Variants in MCTP1 observed in about 807,000 individuals in gnomAD.
MCTP1 encodes multiple C2 and transmembrane domain containing 1.
MCTP1 carries 69 observed loss-of-function variants against 120.6 expected under a neutral mutation model. The observed-to-expected ratio is 0.57, with a 90% CI of 0.47 to 0.70. The LOEUF is 0.70. MCTP1 is among the 30% of genes least tolerant of loss of function. MCTP1 has a pLI of 0.00. For synonymous variants in MCTP1, 529 were observed against 493.1 expected (o/e 1.07, Z -0.96); for missense variants, 1,203 against 1,248.8 (o/e 0.96, Z 0.55).
chr5:95,104,549 A>T (rs1756959229), intron 1 of MCTP1, among the ~76,000 whole-genome samples: 1 of 152,224 alleles, frequency 6.6e-6, no homozygotes, highest in Non-Finnish European at 1.5e-5. Flanking sequence ...CCATAGGCAT[A>T]AGCAATGACG....
intron 17 of MCTP1, chr5:94,826,266 G>T: frequency 2.3e-6 from 1 of 444,026 alleles, no homozygotes. Context: ...TTTAGATTTG[G>T]GAACCCCCAT....
In MCTP1 at chr5:95,230,780, A is replaced by G. The variant is rs552788236; in HGVS notation, c.720+53076T>C. Among the ~76,000 whole-genome samples the G allele has an allele frequency of 7.2e-5, 11 of 152,366 alleles. No individual in the cohort carries two copies. The South Asian group carries it at 1.7e-3, about 23-fold the overall frequency. On this transcript the variant is annotated intron_variant, in intron 1 of 22. Transcript: ENST00000515393. ...CATTTTCTGAAAAACTTAAACTTCA[A>G]TGAAGTGAATTTGACGTGAATTGAC...
chr5:94,734,896 A>G (rs1763876960), intron 19 of MCTP1, among the ~76,000 whole-genome samples: 1 of 152,220 alleles, frequency 6.6e-6, no homozygotes, highest in South Asian at 2.1e-4. Flanking sequence ...CAGCTTCATC[A>G]TGACCTATGG....
chr5:95,037,172 T>C (rs1023251940), intron 1 of MCTP1, among the ~76,000 whole-genome samples: 2 of 152,216 alleles, frequency 1.3e-5, no homozygotes, highest in Non-Finnish European at 2.9e-5. Context: ...TCTTTTGGAA[T>C]GATCATACAC....
chr5:94,882,950 A>G (rs1185255908), intron 12 of MCTP1, among the ~76,000 whole-genome samples: 1 of 152,102 alleles, frequency 6.6e-6, no homozygotes, highest in African/African-American at 2.4e-5. Flanking sequence ...CTAAATTATC[A>G]TTTTCATTCC....
intron 4 of MCTP1, among the ~76,000 whole-genome samples, chr5:94,940,553 C>A (rs1817353734): frequency 8.3e-6 from 1 of 120,058 alleles, no homozygotes; most frequent in Non-Finnish European, 1.7e-5. Flanking sequence ...CACATACACA[C>A]ACACACGCAA....
chr5:94,742,775 A>G (rs1008106466), intron 19 of MCTP1, among the ~76,000 whole-genome samples: 12 of 152,194 alleles, frequency 7.9e-5, no homozygotes, highest in Non-Finnish European at 1.5e-4. Context: ...AGTAAAGTCT[A>G]TGTTCCTTCA....
chr5:94,857,318 A>G (rs1794907401), intron 17 of MCTP1, among the ~76,000 whole-genome samples: 1 of 151,696 alleles, frequency 6.6e-6, no homozygotes, highest in Non-Finnish European at 1.5e-5. Flanking sequence ...ATTTCCTGTC[A>G]CTGGCTCTGG....
At chr5:94,892,054 G>A (rs925194997) in intron 11 of MCTP1, among the ~76,000 whole-genome samples, 3 of 152,124 alleles carry the variant, frequency 2.0e-5, no homozygotes, top group African/African-American at 7.2e-5. Flanking sequence ...GCAGCTGTCA[G>A]GGAGAGCATC....
At chr5:95,062,277 A>G (rs1749433162) in intron 1 of MCTP1, among the ~76,000 whole-genome samples, 1 of 152,182 alleles carries the variant, frequency 6.6e-6, no homozygotes, top group Non-Finnish European at 1.5e-5. Context: ...CATTCTTTAT[A>G]TTTTCTATTG....
At chr5:95,191,009 T>C (rs1215736486) in intron 1 of MCTP1, among the ~76,000 whole-genome samples, 3 of 152,026 alleles carry the variant, frequency 2.0e-5, no homozygotes. Context: ...TACAATTAAA[T>C]AATTTTAAGC....
At chr5:94,725,895 C>G (rs550592343) in intron 19 of MCTP1, among the ~76,000 whole-genome samples, 2 of 152,082 alleles carry the variant, frequency 1.3e-5, no homozygotes, top group East Asian at 3.9e-4. Flanking sequence ...AAATATTAGT[C>G]GTTAATATTA....
At chr5:95,161,087 C>G (rs1291841751) in intron 1 of MCTP1, among the ~76,000 whole-genome samples, 3 of 152,178 alleles carry the variant, frequency 2.0e-5, no homozygotes, top group African/African-American at 7.2e-5. Flanking sequence ...AATCCTACTT[C>G]TGGGTATATA....
intron 1 of MCTP1, among the ~76,000 whole-genome samples, chr5:95,055,842 G>A (rs1476431433): frequency 6.6e-6 from 1 of 152,062 alleles, no homozygotes; most frequent in Non-Finnish European, 1.5e-5. Flanking sequence ...TAGAAGCAAT[G>A]TGTGAAAAAA....
intron 10 of MCTP1, among the ~76,000 whole-genome samples, chr5:94,907,142 C>A (rs566054258): frequency 6.6e-6 from 1 of 152,256 alleles, no homozygotes; most frequent in South Asian, 2.1e-4. Context: ...TAACATGTTG[C>A]TTTTCAGCGG....
intron 19 of MCTP1, among the ~76,000 whole-genome samples, chr5:94,745,607 A>T (rs892811409): frequency 2.6e-5 from 4 of 152,222 alleles, no homozygotes; most frequent in Non-Finnish European, 5.9e-5. Context: ...ATTCTTGCAG[A>T]GAAAAATTAA....
chr5:95,231,337 G>GAT lies in MCTP1; in HGVS notation c.720+52517_720+52518dup, dbSNP rs138755290. ...ACTCATAAGAAAACTGATGGATAAG[G>GAT]ATATATATATATATACACATATATA... On this transcript the variant is annotated intron_variant, in intron 1 of 22. Coordinates refer to ENST00000515393, the MANE Select transcript of MCTP1 (RefSeq NM_024717.7). Among the ~76,000 whole-genome samples the GAT allele has an allele frequency of 1.1e-3, 163 of 149,804 alleles. No individual in the cohort carries two copies. In the East Asian group the frequency reaches 0.016, roughly 15 times the overall value.
chr5:94,876,889 C>T lies in MCTP1; in HGVS notation c.1934-3648G>A, dbSNP rs530724200. Among the ~76,000 whole-genome samples, 8 of 152,020 alleles carry T rather than the reference C, an allele frequency of 5.3e-5. No individual in the cohort carries two copies. The South Asian group carries it at 6.2e-4, about 12-fold the overall frequency. On this transcript the variant is annotated intron_variant, in intron 12 of 22. Coordinates refer to ENST00000515393, the MANE Select transcript of MCTP1 (RefSeq NM_024717.7). ...GCTTTTTGAAGCATTCATTACTTAT[C>T]GAGTGGCTGCTCTGCTCACCCCAGA...
intron 6 of MCTP1, among the ~76,000 whole-genome samples, chr5:94,927,351 A>G (rs184275759): frequency 2.9e-4 from 44 of 152,284 alleles, no homozygotes; most frequent in African/African-American, 1.0e-3. Flanking sequence ...ATTTTATAAC[A>G]TTTCCAAATA....
Sources: allele counts gnomAD v4.1 joint callset (sites outside exome capture counted in the v4.1 genomes callset), GRCh38; gene constraint gnomAD v4.1.1; transcripts MANE v1.5; gene names NCBI Gene and HGNC (gene_info 2026-07-23, HGNC 2026-07-21).